The following CDYL2 variants were observed in gnomAD, a reference collection of about 807,000 sequenced individuals.
CDYL2 encodes chromodomain Y like 2, also known as chromodomain Y-like protein 2.
A neutral mutation model predicts 49.4 loss-of-function variants in CDYL2; 23 were observed. That is an observed-to-expected ratio of 0.47 (90% CI 0.34 to 0.66). The LOEUF is 0.66. CDYL2 is among the 30% of genes least tolerant of loss of function. The pLI is 0.01. For missense variants in CDYL2, 678 were observed against 656.4 expected, an observed-to-expected ratio of 1.03 and a Z score of -0.36; for synonymous variants, 360 against 268.8, an observed-to-expected ratio of 1.34 and a Z score of -3.32.
intron 2 of CDYL2, among the ~76,000 whole-genome samples, chr16:80,654,740 G>A (rs913368796): frequency 2.0e-5 from 3 of 152,180 alleles, no homozygotes; most frequent in Non-Finnish European, 2.9e-5. Context: ...CATGGAGATG[G>A]GCCTGTGCCA....
intron 2 of CDYL2, among the ~76,000 whole-genome samples, chr16:80,671,587 C>A (rs959032161): frequency 6.6e-6 from 1 of 152,218 alleles, no homozygotes; most frequent in African/African-American, 2.4e-5. Flanking sequence ...TATCTGAATT[C>A]TCCCCAATCT....
At chr16:80,802,705 C>T (rs1191725809) in intron 1 of CDYL2, among the ~76,000 whole-genome samples, 3 of 152,200 alleles carry the variant, frequency 2.0e-5, no homozygotes, top group Non-Finnish European at 4.4e-5. Context: ...ACTCCAGAAT[C>T]ATTCACAAGA....
chr16:80,676,909 T>C (rs1235976487), intron 2 of CDYL2, among the ~76,000 whole-genome samples: 1 of 152,082 alleles, frequency 6.6e-6, no homozygotes, highest in Non-Finnish European at 1.5e-5. Flanking sequence ...CTCTGGGCCT[T>C]GTGTTCCTCC....
intron 2 of CDYL2, among the ~76,000 whole-genome samples, chr16:80,674,872 A>G (rs759279377): frequency 6.6e-6 from 1 of 152,244 alleles, no homozygotes; most frequent in Non-Finnish European, 1.5e-5. Flanking sequence ...CTAGCATTGA[A>G]ATAAACTTTG....
intron 1 of CDYL2, among the ~76,000 whole-genome samples, chr16:80,793,180 A>T (rs531305999): frequency 1.3e-5 from 2 of 152,310 alleles, no homozygotes; most frequent in Non-Finnish European, 2.9e-5. Flanking sequence ...CCAGCCACTG[A>T]GGCTAGAGTA....
chr16:80,799,158 C>T (rs2142424106), intron 1 of CDYL2, among the ~76,000 whole-genome samples: 1 of 151,760 alleles, frequency 6.6e-6, no homozygotes, highest in Non-Finnish European at 1.5e-5. Flanking sequence ...TTGTAACTAC[C>T]CCCAAAAGCT....
intron 1 of CDYL2, among the ~76,000 whole-genome samples, chr16:80,767,167 T>C (rs1486535514): frequency 2.6e-5 from 4 of 152,118 alleles, no homozygotes; most frequent in African/African-American, 9.7e-5. Context: ...GCCCTCCACA[T>C]ACTAGAACTT....
intron 4 of CDYL2, among the ~76,000 whole-genome samples, chr16:80,620,155 A>C (rs1322327790): frequency 6.6e-6 from 1 of 152,220 alleles, no homozygotes; most frequent in Non-Finnish European, 1.5e-5. Context: ...TGATATACTG[A>C]TAAAGAATGG....
chr16:80,612,498 A>G lies in CDYL2; in HGVS notation c.1218+128T>C. The G allele has an allele frequency of 9.2e-6, 8 of 867,002 alleles. No homozygotes were observed. The South Asian group carries it at 1.2e-4, about 13-fold the overall frequency. 53.7% of individuals were successfully genotyped at this position (867,002 alleles called of 1,614,324 possible). A position where few individuals can be genotyped will look rare whatever the true frequency, so the allele number is the denominator to read the frequency against. ...ATCTGGCACTGAAGGTGTGAAGGACATGAGGCAGCCAAGCCAATCTGCAGG... is the reference window on the plus strand; with the variant it reads ...ATCTGGCACTGAAGGTGTGAAGGACGTGAGGCAGCCAAGCCAATCTGCAGG... On this transcript the variant is annotated intron_variant, in intron 5 of 6. Transcript: ENST00000570137. This position sits in a 1 kb window ranked among gnomAD's most constrained non-coding sequence, Gnocchi z 5.0.
chr16:80,671,705 T>C (rs1597162403), intron 2 of CDYL2, among the ~76,000 whole-genome samples: 2 of 152,312 alleles, frequency 1.3e-5, no homozygotes, highest in East Asian at 3.9e-4. Context: ...AAATAAACGA[T>C]ACCGAGGCTC....
chr16:80,794,864 T>C (rs1907723247), intron 1 of CDYL2, among the ~76,000 whole-genome samples: 1 of 152,096 alleles, frequency 6.6e-6, no homozygotes, highest in South Asian at 2.1e-4. Context: ...CCGCCCATCT[T>C]GGCCTCCCAA....
intron 1 of CDYL2, among the ~76,000 whole-genome samples, chr16:80,719,768 T>C (rs1428314934): frequency 1.3e-5 from 2 of 152,196 alleles, no homozygotes; most frequent in Admixed American, 1.3e-4. Flanking sequence ...CACTATGTAG[T>C]CATGAAGACA....
intron 2 of CDYL2, among the ~76,000 whole-genome samples, chr16:80,661,141 A>G (rs1344887582): frequency 6.6e-6 from 1 of 152,186 alleles, no homozygotes; most frequent in African/African-American, 2.4e-5. Context: ...TTCAAACCCC[A>G]GGTACAGAAC....
At chr16:80,615,997 C>T (rs764108013) in intron 4 of CDYL2, among the ~76,000 whole-genome samples, 5 of 152,150 alleles carry the variant, frequency 3.3e-5, no homozygotes, top group Admixed American at 1.3e-4. Context: ...GAAAACTGTA[C>T]GCCACCTTCC....
At chr16:80,674,073 G>A (rs999575816) in intron 2 of CDYL2, among the ~76,000 whole-genome samples, 3 of 152,200 alleles carry the variant, frequency 2.0e-5, no homozygotes, top group Admixed American at 6.5e-5. Context: ...AGGGAAGAAG[G>A]TGGTGTTGCT....
At chr16:80,691,965 T>C (rs946922291) in intron 1 of CDYL2, among the ~76,000 whole-genome samples, 7 of 152,004 alleles carry the variant, frequency 4.6e-5, no homozygotes, top group African/African-American at 7.3e-5. Flanking sequence ...ACCAGCGACA[T>C]AGACAACATA....
intron 2 of CDYL2, among the ~76,000 whole-genome samples, chr16:80,651,233 C>G (rs1304088622): frequency 6.6e-6 from 1 of 152,002 alleles, no homozygotes; most frequent in African/African-American, 2.4e-5. Flanking sequence ...ATTTATATAC[C>G]TACTATGTAA....
intron 4 of CDYL2, among the ~76,000 whole-genome samples, chr16:80,617,754 C>G (rs1434866410): frequency 6.6e-6 from 1 of 152,206 alleles, no homozygotes; most frequent in Non-Finnish European, 1.5e-5. Context: ...TGTATCACCT[C>G]TTTCCTCATA....
intron 6 of CDYL2, among the ~76,000 whole-genome samples, chr16:80,606,172 G>C (rs886658134): frequency 8.5e-5 from 13 of 152,250 alleles, no homozygotes; most frequent in African/African-American, 3.1e-4. Flanking sequence ...GCTGCAGGTG[G>C]TGGGATGAGC....
Sources: gnomAD v4.1 joint callset for allele counts (sites outside exome capture counted in the v4.1 genomes callset) on GRCh38, gnomAD v4.1.1 for gene constraint, Gnocchi (gnomAD v3.1) non-coding constraint, MANE v1.5 for transcripts, NCBI Gene and HGNC (gene_info 2026-07-23, HGNC 2026-07-21) for gene names.